Variants in GRM7 observed in about 807,000 individuals in gnomAD.
GRM7 encodes the protein metabotropic glutamate receptor 7.
A neutral mutation model predicts 84.5 loss-of-function variants in GRM7; 35 were observed. The ratio of observed to expected loss-of-function variants is 0.41; its 90% confidence interval spans 0.32 to 0.55. GRM7 has a LOEUF of 0.55. Ranked by LOEUF, GRM7 falls within the 20% of genes least tolerant of loss-of-function variation. The pLI is 0.19. For synonymous variants in GRM7, 487 were observed against 455.1 expected, an observed-to-expected ratio of 1.07 and a Z score of -0.89; for missense variants, 1,003 against 1,194.6, an observed-to-expected ratio of 0.84 and a Z score of 2.36.
At chr3:7,219,032 T>A (rs1309298982) in intron 2 of GRM7, among the ~76,000 whole-genome samples, 7 of 152,128 alleles carry the variant, frequency 4.6e-5, no homozygotes, top group African/African-American at 1.7e-4. Context: ...TTGCCACTAG[T>A]GGTATGAATT....
chr3:7,707,563 T>C (rs1346634313), intron 9 of GRM7, among the ~76,000 whole-genome samples: 4 of 152,204 alleles, frequency 2.6e-5, no homozygotes, highest in African/African-American at 9.6e-5. Flanking sequence ...GGCACAGTCA[T>C]TGGCCTGGCA....
chr3:7,330,739 A>T (rs56760697), intron 4 of GRM7, among the ~76,000 whole-genome samples: 38,706 of 152,104 alleles, frequency 0.25, 6,568 homozygotes, highest in African/African-American at 0.47. Flanking sequence ...TGAGTTCATT[A>T]AAACTCTTTT....
intron 5 of GRM7, among the ~76,000 whole-genome samples, chr3:7,450,917 C>G (rs1697739627): frequency 6.7e-6 from 1 of 149,400 alleles, no homozygotes; most frequent in South Asian, 2.2e-4. Flanking sequence ...TTGGAGGTTA[C>G]ATTTTATGTT....
chr3:7,077,792 A>G (rs965205700), intron 1 of GRM7, among the ~76,000 whole-genome samples: 6 of 152,168 alleles, frequency 3.9e-5, no homozygotes, highest in African/African-American at 1.4e-4. Flanking sequence ...AAATGATAGG[A>G]AGTGACAAAT....
In GRM7 at chr3:7,565,021, C is replaced by T. The variant is rs975954163; in HGVS notation, c.1516-13401C>T. Among the ~76,000 whole-genome samples, 3 of 152,210 alleles carry T rather than the reference C, an allele frequency of 2.0e-5. No homozygotes were observed. In the South Asian group the frequency reaches 6.2e-4, roughly 32 times the overall value. On this transcript the variant is annotated intron_variant, in intron 7 of 9. Transcript: ENST00000357716. ...TGTTCATTTGTCCTCCACCTAGTAA[C>T]TGAGTGCTCCATATTTAATTCCCTT...
chr3:6,978,457 G>C (rs1037775730), intron 1 of GRM7, among the ~76,000 whole-genome samples: 1 of 152,104 alleles, frequency 6.6e-6, no homozygotes, highest in Non-Finnish European at 1.5e-5. Flanking sequence ...AATATAGCAA[G>C]GGCACTGGAA....
chr3:6,926,146 G>A (rs1697290128), intron 1 of GRM7, among the ~76,000 whole-genome samples: 1 of 151,982 alleles, frequency 6.6e-6, no homozygotes, highest in Non-Finnish European at 1.5e-5. Context: ...ATCTATATAT[G>A]TTTATTTAAA....
intron 1 of GRM7, among the ~76,000 whole-genome samples, chr3:7,103,751 TTTCTTTCTTTC>T (rs1699189601): frequency 7.1e-5 from 1 of 14,080 alleles, no homozygotes; most frequent in Admixed American, 7.6e-4. Flanking sequence ...TCTCTCTCCC[TTTCTTTCTTTC>T]TTTCTTTCTT....
Position 7,713,430 on chromosome 3 carries a change from G to T in GRM7, c.2699-26927G>T, listed in dbSNP as rs548398735. Among the ~76,000 whole-genome samples the T allele has an allele frequency of 2.5e-4, 38 of 152,120 alleles. 1 individual carries two copies. Among genetic ancestry groups the T allele is most frequent in the Admixed American group, 1.0e-3 (16 of 15,280 alleles). On this transcript the variant is annotated intron_variant, in intron 9 of 9. Transcript: ENST00000357716. Reference sequence around the variant, plus strand: ...TGAGATTACAGGTGTGAGCCACCGTGCCTGGCCAGGATTTCACTATATCTT... The same window carrying T: ...TGAGATTACAGGTGTGAGCCACCGTTCCTGGCCAGGATTTCACTATATCTT...
intron 4 of GRM7, among the ~76,000 whole-genome samples, chr3:7,414,450 C>G (rs1253127873): frequency 6.6e-6 from 1 of 152,128 alleles, no homozygotes; most frequent in African/African-American, 2.4e-5. Context: ...CACTCTGACT[C>G]TCTTGCAAGA....
At chr3:7,642,089 A>AC (rs1407085335) in intron 8 of GRM7, among the ~76,000 whole-genome samples, 4 of 152,146 alleles carry the variant, frequency 2.6e-5, no homozygotes, top group African/African-American at 9.7e-5. Context: ...CATCTAGTGA[A>AC]CTGTTAACAA....
At chr3:7,564,646 AATATAT>A (rs575976011) in intron 7 of GRM7, among the ~76,000 whole-genome samples, 2 of 151,976 alleles carry the variant, frequency 1.3e-5, no homozygotes, top group African/African-American at 2.4e-5. Flanking sequence ...TTGGAGCCAT[AATATAT>A]ATATATTTTT....
At position 7,443,575 on chromosome 3, in the gene GRM7, A is replaced by G. The variant is rs115236892; in HGVS notation, c.1175-9032A>G. Among the ~76,000 whole-genome samples the G allele has an allele frequency of 9.6e-3, 1,458 of 152,212 alleles. 13 individuals carry two copies. The highest frequency in any genetic ancestry group is 0.014 in the Non-Finnish European group (977 of 67,994). On this transcript the variant is annotated intron_variant, in intron 5 of 9. Coordinates refer to ENST00000357716, the MANE Select transcript of GRM7 (RefSeq NM_000844.4). ...AGCTTATTATTGGGAACTGAATTTTACTTTTGATTGACATTTTCTTTATTT... is the reference window on the plus strand; with the variant it reads ...AGCTTATTATTGGGAACTGAATTTTGCTTTTGATTGACATTTTCTTTATTT...
chr3:7,516,504 AAG>A lies in GRM7; in HGVS notation c.1515+54784_1515+54785del, dbSNP rs1553609602. 2.6e-4 allele frequency among the ~76,000 whole-genome samples: 33 copies of A among 124,808 alleles called. 2 individuals carry two copies. Among genetic ancestry groups the A allele is most frequent in the South Asian group, 4.6e-4 (2 of 4,360 alleles). 81.9% of individuals were successfully genotyped at this position (124,808 alleles called of 152,430 possible). A position where few individuals can be genotyped will look rare whatever the true frequency, so the allele number is the denominator to read the frequency against. On this transcript the variant is annotated intron_variant, in intron 7 of 9. Transcript: ENST00000357716. ...AAAAAAAAAAAAAAAAAAAAAAAAA[AAG>A]AAATAGTTAGTTCATTAATTCTTAA...
chr3:7,461,578 C>G lies in GRM7; in HGVS notation c.1376-5C>G, dbSNP rs749569647. ...AGAATCTTTCATTTTTTCTGTCTTC[C>G]TTAGGTAGTGCTGGCACTCCAGTGA... On this transcript the variant is annotated splice_polypyrimidine_tract_variant and splice_region_variant and intron_variant, in intron 6 of 9. Coordinates refer to ENST00000357716, the MANE Select transcript of GRM7 (RefSeq NM_000844.4). The G allele has an allele frequency of 1.2e-6, 2 of 1,609,696 alleles. No homozygotes were observed. Among genetic ancestry groups the G allele is most frequent in the Admixed American group, 1.7e-5 (1 of 59,960 alleles).
At chr3:6,958,046 A>C (rs1416694524) in intron 1 of GRM7, among the ~76,000 whole-genome samples, 2 of 151,988 alleles carry the variant, frequency 1.3e-5, no homozygotes, top group Non-Finnish European at 2.9e-5. Context: ...CACGGCATAC[A>C]TGTACACACA....
chr3:7,424,665 C>T (rs1038398357), intron 5 of GRM7, among the ~76,000 whole-genome samples: 3 of 152,152 alleles, frequency 2.0e-5, no homozygotes, highest in African/African-American at 7.2e-5. Flanking sequence ...CATTTAATTA[C>T]TCAACAAGTG....
intron 7 of GRM7, among the ~76,000 whole-genome samples, chr3:7,491,524 C>T (rs1430363675): frequency 2.0e-5 from 3 of 152,122 alleles, no homozygotes; most frequent in Non-Finnish European, 4.4e-5. Context: ...TATGGCATTG[C>T]CCTGGGCTCC....
rs1417747230 is a variant in GRM7, at chr3:7,305,058, T to C, written c.879-1440T>C. On this transcript the variant is annotated intron_variant, in intron 3 of 9. Transcript: ENST00000357716. ...AATATCTAGAGTCTACTTTCTGATATGTATCAGATTTTTACAGAAAAATTA... is the reference window on the plus strand; with the variant it reads ...AATATCTAGAGTCTACTTTCTGATACGTATCAGATTTTTACAGAAAAATTA... Among the ~76,000 whole-genome samples, 4 of 152,202 alleles carry C rather than the reference T, an allele frequency of 2.6e-5. No homozygotes were observed. The East Asian group carries it at 7.7e-4, about 29-fold the overall frequency.
Sources: allele counts gnomAD v4.1 joint callset (sites outside exome capture counted in the v4.1 genomes callset), GRCh38; gene constraint gnomAD v4.1.1; transcripts MANE v1.5; gene names NCBI Gene and HGNC (gene_info 2026-07-23, HGNC 2026-07-21).